The following FAM107B variants were observed in gnomAD, a reference collection of about 807,000 sequenced individuals.
FAM107B encodes the protein protein FAM107B.
FAM107B carries 21 observed loss-of-function variants against 31.5 expected under a neutral mutation model. The ratio of observed to expected loss-of-function variants is 0.67; its 90% CI spans 0.47 to 0.96. FAM107B has a LOEUF of 0.96. Ranked by LOEUF, FAM107B falls within the 40% of genes least tolerant of loss-of-function variation. FAM107B has a pLI of 0.00. For synonymous variants in FAM107B, 157 were observed against 141.5 expected (o/e 1.11, Z -0.78); for missense variants, 452 against 377.1 (o/e 1.20, Z -1.64).
intron 1 of FAM107B, among the ~76,000 whole-genome samples, chr10:14,712,755 G>A (rs1855682904): frequency 1.3e-5 from 2 of 152,202 alleles, no homozygotes; most frequent in African/African-American, 4.8e-5. Flanking sequence ...CAGAGGTTCA[G>A]ATGAGAAGTG....
At chr10:14,527,590 T>C (rs1846429858) in intron 3 of FAM107B, among the ~76,000 whole-genome samples, 1 of 152,236 alleles carries the variant, frequency 6.6e-6, no homozygotes, top group Admixed American at 6.5e-5. Context: ...AGATGATTCC[T>C]TAAACCAGTC....
intron 3 of FAM107B, among the ~76,000 whole-genome samples, chr10:14,528,586 T>C (rs1846591358): frequency 6.6e-6 from 1 of 152,186 alleles, no homozygotes; most frequent in African/African-American, 2.4e-5. Flanking sequence ...TAGGTAAAGT[T>C]AAGTTCTGGT....
At chr10:14,581,659 G>A (rs1438688714) in intron 2 of FAM107B, among the ~76,000 whole-genome samples, 2 of 152,182 alleles carry the variant, frequency 1.3e-5, no homozygotes, top group Admixed American at 1.3e-4. Flanking sequence ...CCAGCTCTTT[G>A]GAAGGTCAAG....
intron 1 of FAM107B, among the ~76,000 whole-genome samples, chr10:14,680,044 C>T (rs530077940): frequency 3.9e-5 from 6 of 152,124 alleles, no homozygotes; most frequent in Admixed American, 6.6e-5. Flanking sequence ...AATAAACTCC[C>T]CTTTATATGT....
chr10:14,645,962 G>A (rs750425732), intron 2 of FAM107B, among the ~76,000 whole-genome samples: 16 of 152,086 alleles, frequency 1.1e-4, no homozygotes, highest in African/African-American at 1.7e-4. Flanking sequence ...ACAAGCCCTC[G>A]ATTTATCTGC....
In FAM107B at chr10:14,696,203, T is replaced by C. The variant is rs115575017; in HGVS notation, c.412-28512A>G. On this transcript the variant is annotated intron_variant, in intron 1 of 4. Transcript: ENST00000181796. Reference sequence around the variant, plus strand: ...TATATCAAGAAAGAATGTTGAGCATTGCTGAATGCTTTTTCTGCATCAACT... The same window carrying C: ...TATATCAAGAAAGAATGTTGAGCATCGCTGAATGCTTTTTCTGCATCAACT... Among the ~76,000 whole-genome samples, 394 of 152,372 alleles carry C rather than the reference T, an allele frequency of 2.6e-3. 2 individuals carry two copies. Among genetic ancestry groups the C allele is most frequent in the African/African-American group, 9.1e-3 (378 of 41,592 alleles).
chr10:14,645,437 A>T (rs1853727878), intron 2 of FAM107B, among the ~76,000 whole-genome samples: 1 of 152,162 alleles, frequency 6.6e-6, no homozygotes, highest in African/African-American at 2.4e-5. Context: ...CGTCTAAGCA[A>T]GCCTGAGAAA....
intron 1 of FAM107B, among the ~76,000 whole-genome samples, chr10:14,695,127 T>C (rs1397377442): frequency 1.3e-5 from 2 of 152,194 alleles, no homozygotes; most frequent in African/African-American, 4.8e-5. Flanking sequence ...AATTTTACAG[T>C]TCCAGGTCTT....
intron 1 of FAM107B, among the ~76,000 whole-genome samples, chr10:14,722,474 G>A (rs966403638): frequency 1.3e-5 from 2 of 152,008 alleles, no homozygotes; most frequent in Non-Finnish European, 2.9e-5. Context: ...CTGCATCCTT[G>A]TCAACATTTG....
chr10:14,633,249 C>T (rs76981617), intron 2 of FAM107B, among the ~76,000 whole-genome samples: 2,434 of 151,592 alleles, frequency 0.016, 57 homozygotes, highest in African/African-American at 0.056. Flanking sequence ...TGAGTGATGG[C>T]CCCTTGGAGG....
intron 1 of FAM107B, among the ~76,000 whole-genome samples, chr10:14,739,673 C>G (rs2131571348): frequency 6.6e-6 from 1 of 152,296 alleles, no homozygotes; most frequent in Admixed American, 6.5e-5. Flanking sequence ...ATTTCCCAGA[C>G]CACAAGAATT....
At chr10:14,732,497 C>A (rs745732962) in intron 1 of FAM107B, among the ~76,000 whole-genome samples, 5 of 152,114 alleles carry the variant, frequency 3.3e-5, no homozygotes, top group Non-Finnish European at 5.9e-5. Context: ...CTATATATTT[C>A]TGGACTATTT....
intron 3 of FAM107B, among the ~76,000 whole-genome samples, chr10:14,524,935 C>T (rs1192858133): frequency 6.6e-6 from 1 of 152,094 alleles, no homozygotes; most frequent in Non-Finnish European, 1.5e-5. Context: ...ATTTTCCTTT[C>T]AAAGATTTTA....
chr10:14,570,070 T>C (rs1361802008), intron 2 of FAM107B, among the ~76,000 whole-genome samples: 1 of 152,170 alleles, frequency 6.6e-6, no homozygotes, highest in African/African-American at 2.4e-5. Context: ...ATTAAGCCAA[T>C]ATTACTTAGG....
At chr10:14,565,991 T>C (rs1416305971) in intron 2 of FAM107B, among the ~76,000 whole-genome samples, 1 of 152,218 alleles carries the variant, frequency 6.6e-6, no homozygotes, top group Non-Finnish European at 1.5e-5. Context: ...TCTGCAGCAC[T>C]GGCTTCATGG....
chr10:14,700,024 C>G (rs1026352622), intron 1 of FAM107B, among the ~76,000 whole-genome samples: 4 of 152,132 alleles, frequency 2.6e-5, no homozygotes, highest in Non-Finnish European at 4.4e-5. Flanking sequence ...CCTCCACCTC[C>G]CGGGTGCAAG....
intron 1 of FAM107B, among the ~76,000 whole-genome samples, chr10:14,671,903 ACCC>A (rs1801010290): frequency 6.2e-5 from 9 of 145,966 alleles, no homozygotes; most frequent in African/African-American, 2.3e-4. Context: ...CAAAAAAAAA[ACCC>A]TCTATTTCTT....
intron 2 of FAM107B, among the ~76,000 whole-genome samples, chr10:14,575,535 C>G (rs1180940619): frequency 1.3e-5 from 2 of 152,104 alleles, no homozygotes; most frequent in African/African-American, 4.8e-5. Context: ...AATACAAACA[C>G]AGTCAAGAAA....
At chr10:14,695,357 T>C (rs1439061041) in intron 1 of FAM107B, among the ~76,000 whole-genome samples, 2 of 152,206 alleles carry the variant, frequency 1.3e-5, no homozygotes, top group African/African-American at 2.4e-5. Context: ...TACTGCTCTG[T>C]GTGTCTATGT....
Sources: allele counts gnomAD v4.1 joint callset (sites outside exome capture counted in the v4.1 genomes callset), GRCh38; gene constraint gnomAD v4.1.1; transcripts MANE v1.5; gene names NCBI Gene and HGNC (gene_info 2026-07-23, HGNC 2026-07-21).